The following ELMO1 variants were observed in gnomAD, a reference collection of about 807,000 sequenced individuals.
ELMO1 encodes the protein engulfment and cell motility 1, also known as engulfment and cell motility protein 1.
ELMO1 carries 26 observed loss-of-function variants against 98.9 expected under a neutral mutation model. The observed-to-expected ratio is 0.26, with a 90% CI of 0.19 to 0.36. The LOEUF is 0.36. ELMO1 is among the 10% of genes least tolerant of loss of function. The probability of loss-of-function intolerance (pLI) is 1.00; values close to 1 mark genes in which losing one functional copy is unlikely to be tolerated. For synonymous variants in ELMO1, 346 were observed against 346.0 expected (o/e 1.00, Z 0.00); for missense variants, 627 against 935.2 (o/e 0.67, Z 4.30).
At chr7:37,282,246 T>C (rs896637218) in intron 4 of ELMO1, among the ~76,000 whole-genome samples, 1 of 152,218 alleles carries the variant, frequency 6.6e-6, no homozygotes, top group Non-Finnish European at 1.5e-5. Flanking sequence ...TCAGGCCCTG[T>C]GGAGGGCAGG....
chr7:37,439,456 C>T (rs756053177), intron 1 of ELMO1, among the ~76,000 whole-genome samples: 16 of 152,198 alleles, frequency 1.1e-4, no homozygotes, highest in Admixed American at 6.5e-5. Flanking sequence ...ACTGTTATGA[C>T]TGTCTCTAAA....
chr7:36,891,102 CTG>C (rs1400522477), intron 17 of ELMO1, among the ~76,000 whole-genome samples: 2 of 152,236 alleles, frequency 1.3e-5, no homozygotes, highest in African/African-American at 4.8e-5. Flanking sequence ...CTATTTAAAA[CTG>C]CACTCTATTT....
At chr7:37,145,702 T>A (rs997330299) in intron 13 of ELMO1, among the ~76,000 whole-genome samples, 2 of 152,254 alleles carry the variant, frequency 1.3e-5, no homozygotes, top group Non-Finnish European at 2.9e-5. Flanking sequence ...CCAGATGGCA[T>A]AGCGTGGGGA....
At chr7:37,033,001 T>G (rs1794960579) in intron 15 of ELMO1, among the ~76,000 whole-genome samples, 1 of 152,144 alleles carries the variant, frequency 6.6e-6, no homozygotes, top group South Asian at 2.1e-4. Context: ...CTTCTACACT[T>G]CATCTTAGCC....
chr7:37,112,656 T>C (rs1309613582), intron 14 of ELMO1, among the ~76,000 whole-genome samples: 2 of 152,228 alleles, frequency 1.3e-5, no homozygotes, highest in East Asian at 3.8e-4. Flanking sequence ...ATTAAAATTG[T>C]TTCAGTTGCT....
chr7:36,937,001 G>T (rs935936430), intron 16 of ELMO1, among the ~76,000 whole-genome samples: 1 of 152,014 alleles, frequency 6.6e-6, no homozygotes, highest in Non-Finnish European at 1.5e-5. Flanking sequence ...AGTTTTATTC[G>T]GGCACAGGGA....
intron 14 of ELMO1, among the ~76,000 whole-genome samples, chr7:37,124,245 C>CA (rs1306236008): frequency 3.3e-5 from 5 of 152,212 alleles, no homozygotes; most frequent in African/African-American, 1.2e-4. Flanking sequence ...TGCACTCTCT[C>CA]ACCACTCCTA....
At position 37,256,807 on chromosome 7, in the gene ELMO1, G is replaced by A. The variant is rs1447438949; in HGVS notation, c.413+2374C>T. Among the ~76,000 whole-genome samples, 4 of 148,072 alleles carry A rather than the reference G, an allele frequency of 2.7e-5. No homozygotes were observed. In the Admixed American group the frequency reaches 2.7e-4, roughly 10 times the overall value. ...AGGGAGAAGGGAGGGAGGGAAAGGA[G>A]AGGAAGGGGACAGAAGGGGAGGGGC... On this transcript the variant is annotated intron_variant, in intron 6 of 21. Coordinates refer to ENST00000310758, the MANE Select transcript of ELMO1 (RefSeq NM_014800.11).
At chr7:36,981,560 C>T (rs1791051930) in intron 16 of ELMO1, among the ~76,000 whole-genome samples, 1 of 152,098 alleles carries the variant, frequency 6.6e-6, no homozygotes, top group South Asian at 2.1e-4. Context: ...GAATTATCTG[C>T]TTGTAACAGA....
chr7:36,975,337 T>G (rs1790431083), intron 16 of ELMO1, among the ~76,000 whole-genome samples: 1 of 151,922 alleles, frequency 6.6e-6, no homozygotes, highest in African/African-American at 2.4e-5. Flanking sequence ...CCAGGCATGG[T>G]GACACATGCC....
rs574099787 is a variant in ELMO1, at chr7:37,050,714, C to T, written c.1301-37279G>A. 2.7e-4 allele frequency among the ~76,000 whole-genome samples: 40 copies of T among 148,790 alleles called. 1 individual carries two copies. In the South Asian group the frequency reaches 8.5e-3, roughly 32 times the overall value. On this transcript the variant is annotated intron_variant, in intron 15 of 21. Coordinates refer to ENST00000310758, the MANE Select transcript of ELMO1 (RefSeq NM_014800.11). ...TGGCTTGACTGTAGAAATCATTTCA[C>T]TATGTATATGTATTTCAAAACATCA...
intron 12 of ELMO1, 127 bp from the exon 13 acceptor site, chr7:37,211,644 A>G (rs1792981322): frequency 1.6e-6 from 2 of 1,267,918 alleles, no homozygotes; most frequent in African/African-American, 3.0e-5. Context: ...AGAAAAACAG[A>G]TAAAAGAGAA....
At chr7:36,941,917 G>T (rs1269691838) in intron 16 of ELMO1, among the ~76,000 whole-genome samples, 1 of 152,168 alleles carries the variant, frequency 6.6e-6, no homozygotes. Flanking sequence ...CCTGGGAAGT[G>T]GCAGGACTTG....
chr7:36,984,953 GA>G, intron 16 of ELMO1: 1 of 985,344 alleles, frequency 1.0e-6, no homozygotes, highest in South Asian at 4.7e-5. Context: ...AACTCGTCTG[GA>G]ATCCTGCTCG....
intron 13 of ELMO1, among the ~76,000 whole-genome samples, chr7:37,207,685 G>A (rs550385518): frequency 6.6e-6 from 1 of 152,150 alleles, no homozygotes; most frequent in South Asian, 2.1e-4. Flanking sequence ...CCTCATGCTT[G>A]TAATCCCAGC....
rs780762754 is a variant in ELMO1, at chr7:37,180,451, GA to G, written c.1086+30934del. ...CAAAACCATGGTCTGTATTCTCCTA[GA>G]AATGTCAAGGTCAAAGAACACACAG... On this transcript the variant is annotated intron_variant, in intron 13 of 21. Transcript: ENST00000310758. 9.3e-4 allele frequency among the ~76,000 whole-genome samples: 141 copies of G among 152,236 alleles called. 1 individual carries two copies. Among genetic ancestry groups the G allele is most frequent in the South Asian group, 2.3e-3 (11 of 4,820 alleles).
chr7:37,315,923 T>G lies in ELMO1; in HGVS notation c.116A>C (p.Asp39Ala). The G allele has an allele frequency of 3.1e-6, 5 of 1,602,664 alleles. No individual in the cohort carries two copies. The highest frequency in any genetic ancestry group is 4.2e-6 in the Non-Finnish European group (5 of 1,177,102). ...PLSAIIKEVC[D>A]GWSLANHEYF... ...ATAAATCCTGAGTAACACTTACCCATCACAGACTTCCTTTATTATTGCAGA... is the reference window on the plus strand; with the variant it reads ...ATAAATCCTGAGTAACACTTACCCAGCACAGACTTCCTTTATTATTGCAGA... Residue 39 changes from aspartate (D) to alanine (A), a missense_variant, in exon 3 of 22, where the codon GAT (aspartate) becomes GCT (alanine). Physicochemically the swap from Asp to Ala is moderately radical, Grantham distance 126. Around this residue, in one of 3 missense-constraint regions of ELMO1, gnomAD observed 123 missense variants for 171.2 expected, o/e 0.72. Coordinates refer to ENST00000310758, the MANE Select transcript of ELMO1 (RefSeq NM_014800.11).
chr7:37,033,823 G>C (rs371120211), intron 15 of ELMO1, among the ~76,000 whole-genome samples: 48 of 152,216 alleles, frequency 3.2e-4, no homozygotes, highest in African/African-American at 1.1e-3. Context: ...TTCATTGCCC[G>C]AGGCAGAAGG....
At chr7:37,317,612 G>C (rs1317016572) in intron 2 of ELMO1, among the ~76,000 whole-genome samples, 1 of 151,996 alleles carries the variant, frequency 6.6e-6, no homozygotes, top group Non-Finnish European at 1.5e-5. Context: ...TTGTGGGATC[G>C]AAAAATCAAA....
Sources: allele counts gnomAD v4.1 joint callset (sites outside exome capture counted in the v4.1 genomes callset), GRCh38; gene constraint gnomAD v4.1.1; regional missense constraint gnomAD v4.1.1; transcripts MANE v1.5; gene names NCBI Gene and HGNC (gene_info 2026-07-23, HGNC 2026-07-21).